The following TNPO1 variants were observed in gnomAD, a reference collection of about 807,000 sequenced individuals.
TNPO1 encodes the protein transportin-1.
TNPO1 carries 8 observed loss-of-function variants against 119.5 expected under a neutral mutation model. The observed-to-expected ratio is 0.07, with a 90% CI of 0.04 to 0.12. TNPO1 has a LOEUF of 0.12. TNPO1 is among the 10% of genes least tolerant of loss of function. TNPO1 has a pLI of 1.00. For missense variants in TNPO1, 576 were observed against 1,089.8 expected (o/e 0.53, Z 6.64); for synonymous variants, 362 against 363.0 (o/e 1.00, Z 0.03).
chr5:72,894,586 G>A (rs1294341277), intron 18 of TNPO1, among the ~76,000 whole-genome samples: 6 of 152,138 alleles, frequency 3.9e-5, no homozygotes, highest in African/African-American at 9.7e-5. Context: ...CAGGAAAATC[G>A]CTTGAACCCG....
chr5:72,902,937 T>C (rs1749900768), intron 22 of TNPO1, among the ~76,000 whole-genome samples: 1 of 152,154 alleles, frequency 6.6e-6, no homozygotes, highest in South Asian at 2.1e-4. Flanking sequence ...TATTACCAAA[T>C]TTTTTGAAAT....
intron 1 of TNPO1, among the ~76,000 whole-genome samples, chr5:72,820,480 C>T (rs2112156200): frequency 6.6e-6 from 1 of 152,274 alleles, no homozygotes; most frequent in Admixed American, 6.5e-5. Flanking sequence ...TTGTAATGTA[C>T]TAGACATCAT....
chr5:72,884,874 C>G (rs1430179103), intron 11 of TNPO1, among the ~76,000 whole-genome samples: 1 of 151,862 alleles, frequency 6.6e-6, no homozygotes, highest in Non-Finnish European at 1.5e-5. Context: ...GCCAGCAGCA[C>G]AAACACAGTT....
chr5:72,910,596 T>C lies in TNPO1; in HGVS notation c.*1923T>C, dbSNP rs139027223. 303 of 152,726 alleles carry C rather than the reference T, an allele frequency of 2.0e-3. 2 individuals are homozygous for C. Among genetic ancestry groups the C allele is most frequent in the African/African-American group, 7.0e-3 (292 of 41,582 alleles). The allele number at this position is 152,726 out of a possible 1,614,324, so 9.5% of individuals were successfully genotyped here. ...ATAACAGCCTTTTTATATTTTAGTT[T>C]GTCACCTTTGCATTGCAGAATAAAT... On this transcript the variant is annotated 3_prime_UTR_variant, in exon 25 of 25. Transcript: ENST00000337273.
rs749319069 is a variant in TNPO1 at position 72,877,212 on chromosome 5, G to C, written c.802-16G>C. On this transcript the variant is annotated splice_polypyrimidine_tract_variant and intron_variant, in intron 8 of 24. Transcript: ENST00000337273. ...GATTTTTAAACTGACTAATATTAAG[G>C]ATATTGTGTTTCCAGTACATGCTAC... is the stretch of plus-strand genomic sequence containing the variant. 2.2e-6 allele frequency: 3 copies of C among 1,392,316 alleles called. No homozygotes were observed. In the Admixed American group the frequency reaches 5.1e-5, roughly 24 times the overall value. 86.2% of individuals were successfully genotyped at this position (1,392,316 alleles called of 1,614,324 possible). A position where few individuals can be genotyped will look rare whatever the true frequency, so the allele number is the denominator to read the frequency against.
chr5:72,860,377 A>G (rs1205667765), intron 4 of TNPO1, among the ~76,000 whole-genome samples: 1 of 152,274 alleles, frequency 6.6e-6, no homozygotes, highest in Non-Finnish European at 1.5e-5. Context: ...AAAGATCCAT[A>G]ATCACTAAGC....
intron 1 of TNPO1, among the ~76,000 whole-genome samples, chr5:72,840,044 A>G (rs1744841722): frequency 6.6e-6 from 1 of 152,210 alleles, no homozygotes; most frequent in Non-Finnish European, 1.5e-5. Flanking sequence ...GAAGTGATTG[A>G]CCTGAAGTAG....
chr5:72,893,759 A>T, intron 18 of TNPO1, 56 bp downstream of exon 18: 1 of 1,477,408 alleles, frequency 6.8e-7, no homozygotes, highest in East Asian at 2.3e-5. Context: ...CATTTACATC[A>T]GCTTTGTTTT....
At chr5:72,883,540 A>G (rs1342779112) in intron 11 of TNPO1, among the ~76,000 whole-genome samples, 1 of 152,188 alleles carries the variant, frequency 6.6e-6, no homozygotes, top group African/African-American at 2.4e-5. Flanking sequence ...CTTTGTGACC[A>G]TCTTCTTTAA....
intron 20 of TNPO1, among the ~76,000 whole-genome samples, chr5:72,897,838 A>G (rs932807528): frequency 2.6e-5 from 4 of 152,060 alleles, no homozygotes; most frequent in Non-Finnish European, 5.9e-5. Flanking sequence ...TACTAAGATG[A>G]TTCCCATAAT....
chr5:72,828,135 C>T (rs1487947813), intron 1 of TNPO1, among the ~76,000 whole-genome samples: 3 of 151,992 alleles, frequency 2.0e-5, no homozygotes, highest in African/African-American at 4.8e-5. Flanking sequence ...CAGTGAGATA[C>T]GAGGAGAACC....
At chr5:72,847,454 T>G (rs542062081) in intron 1 of TNPO1, among the ~76,000 whole-genome samples, 2 of 152,356 alleles carry the variant, frequency 1.3e-5, no homozygotes, top group Admixed American at 6.5e-5. Flanking sequence ...TAAGTGTGGT[T>G]GTTTGCTCAG....
At chr5:72,901,191 T>TA in intron 22 of TNPO1, 118 bp downstream of exon 22, 1 of 599,922 alleles carries the variant, frequency 1.7e-6, no homozygotes, top group Non-Finnish European at 2.7e-6. Context: ...AAAATACAGT[T>TA]AAACCTTTAA....
Position 72,888,618 on chromosome 5 carries a change from T to A in TNPO1, c.1529+315T>A, listed in dbSNP as rs141795735. 2.0e-3 allele frequency among the ~76,000 whole-genome samples: 304 copies of A among 152,354 alleles called. 3 individuals carry two copies. The highest frequency in any genetic ancestry group is 7.1e-3 in the African/African-American group (294 of 41,586). On this transcript the variant is annotated intron_variant, in intron 13 of 24. Coordinates refer to ENST00000337273, the MANE Select transcript of TNPO1 (RefSeq NM_002270.4). ...CTTAGCTGTTTCTTCTTTGGCTCAT[T>A]TTTCCCACTCAGTGGTTATTATAAC...
intron 6 of TNPO1, among the ~76,000 whole-genome samples, chr5:72,869,424 G>A (rs543051656): frequency 2.0e-5 from 3 of 152,166 alleles, no homozygotes; most frequent in South Asian, 4.2e-4. Context: ...GCATGCACCT[G>A]TAATCCCAGT....
chr5:72,887,529 A>G (rs1486434935), intron 12 of TNPO1, among the ~76,000 whole-genome samples: 6 of 152,118 alleles, frequency 3.9e-5, no homozygotes, highest in Admixed American at 3.9e-4. Context: ...TGCTAAAAAT[A>G]CAAAAATTAG....
chr5:72,909,497 A>T lies in TNPO1; in HGVS notation c.*824A>T, dbSNP rs1225409270. 2 of 152,172 alleles carry T rather than the reference A, an allele frequency of 1.3e-5. No individual in the cohort carries two copies. Among genetic ancestry groups the T allele is most frequent in the African/African-American group, 4.8e-5 (2 of 41,446 alleles). The allele number at this position is 152,172 out of a possible 1,614,324, so 9.4% of individuals were successfully genotyped here. The stretch of plus-strand genomic sequence containing the variant: ...TGATGATTATACTTCATTAGATTTA[A>T]TTTCTAGGCCAAGATGTTACTTTTT... On this transcript the variant is annotated 3_prime_UTR_variant, in exon 25 of 25. Transcript: ENST00000337273.
chr5:72,892,729 T>C (rs1749154639), intron 15 of TNPO1, among the ~76,000 whole-genome samples: 1 of 152,130 alleles, frequency 6.6e-6, no homozygotes, highest in Non-Finnish European at 1.5e-5. Context: ...TCAAGATTGG[T>C]TGAATCCATA....
chr5:72,867,450 C>T lies in TNPO1; in HGVS notation c.596+1721C>T, dbSNP rs1747000748. On this transcript the variant is annotated intron_variant, in intron 6 of 24. Coordinates refer to ENST00000337273, the MANE Select transcript of TNPO1 (RefSeq NM_002270.4). ...ATTAGAGTATAGGAAACTATATTGC[C>T]TAGTTCTATAGGCAGTGACTAAGCA... is the stretch of plus-strand genomic sequence containing the variant. 2.0e-5 allele frequency among the ~76,000 whole-genome samples: 3 copies of T among 152,236 alleles called. No individual in the cohort carries two copies. In the South Asian group the frequency reaches 6.2e-4, roughly 32 times the overall value.
Sources: allele counts gnomAD v4.1 joint callset (sites outside exome capture counted in the v4.1 genomes callset), GRCh38; gene constraint gnomAD v4.1.1; transcripts MANE v1.5; gene names NCBI Gene and HGNC (gene_info 2026-07-23, HGNC 2026-07-21).